Variants in EXOC6B observed in about 807,000 individuals in gnomAD.
EXOC6B encodes SEC15 homolog B.
EXOC6B carries 54 observed loss-of-function variants against 113.5 expected under a neutral mutation model. That is an observed-to-expected ratio of 0.48 (90% CI 0.38 to 0.60). The LOEUF is 0.60. Ranked by LOEUF, EXOC6B falls within the 20% of genes least tolerant of loss-of-function variation. The pLI, the probability that EXOC6B is intolerant of heterozygous loss-of-function variation, is 0.00. For missense variants in EXOC6B, 797 were observed against 977.5 expected (o/e 0.82, Z 2.46); for synonymous variants, 357 against 339.0 (o/e 1.05, Z -0.58).
chr2:72,541,567 A>G (rs1259075486), intron 8 of EXOC6B, among the ~76,000 whole-genome samples: 1 of 152,166 alleles, frequency 6.6e-6, no homozygotes, highest in African/African-American at 2.4e-5. Context: ...GGTAACATTA[A>G]ATGTGGATGG....
At chr2:72,332,696 T>A (rs1259891161) in intron 20 of EXOC6B, among the ~76,000 whole-genome samples, 1 of 152,076 alleles carries the variant, frequency 6.6e-6, no homozygotes. Context: ...TAAAGCCAAA[T>A]GTTATACTAC....
intron 8 of EXOC6B, among the ~76,000 whole-genome samples, chr2:72,557,794 C>T (rs1047079411): frequency 6.6e-6 from 1 of 151,692 alleles, no homozygotes; most frequent in African/African-American, 2.4e-5. Flanking sequence ...CACATGTATC[C>T]CCAAACCTAA....
At chr2:72,437,226 G>A (rs995938271) in intron 18 of EXOC6B, among the ~76,000 whole-genome samples, 1 of 152,206 alleles carries the variant, frequency 6.6e-6, no homozygotes, top group African/African-American at 2.4e-5. Flanking sequence ...CACCAGCAGA[G>A]GCTGCAGAAC....
intron 19 of EXOC6B, among the ~76,000 whole-genome samples, chr2:72,348,351 T>C (rs1293759918): frequency 6.6e-6 from 1 of 152,182 alleles, no homozygotes; most frequent in Non-Finnish European, 1.5e-5. Context: ...TTTTATTCAG[T>C]TCCCATTATG....
At chr2:72,766,881 G>A (rs1683092516) in intron 1 of EXOC6B, among the ~76,000 whole-genome samples, 1 of 146,562 alleles carries the variant, frequency 6.8e-6, no homozygotes, top group African/African-American at 2.5e-5. Context: ...TTGAAACCGG[G>A]AGGCAGAGGT....
chr2:72,217,853 G>A (rs1040436357), intron 20 of EXOC6B, among the ~76,000 whole-genome samples: 12 of 152,140 alleles, frequency 7.9e-5, no homozygotes, highest in Non-Finnish European at 1.3e-4. Context: ...AACTTGGACA[G>A]GACCTAGCAT....
intron 6 of EXOC6B, among the ~76,000 whole-genome samples, chr2:72,687,137 C>CAAA (rs60068783): frequency 8.0e-6 from 1 of 125,482 alleles, no homozygotes; most frequent in Non-Finnish European, 1.8e-5. Flanking sequence ...GACTGTGTCT[C>CAAA]AAAAAAAAAA....
At chr2:72,342,279 T>C (rs375659156) in intron 19 of EXOC6B, among the ~76,000 whole-genome samples, 2 of 151,678 alleles carry the variant, frequency 1.3e-5, no homozygotes, top group Non-Finnish European at 2.9e-5. Context: ...AGAAATGAAA[T>C]AGAGACTAGA....
At chr2:72,405,001 G>T (rs967292408) in intron 18 of EXOC6B, among the ~76,000 whole-genome samples, 5 of 152,094 alleles carry the variant, frequency 3.3e-5, no homozygotes, top group African/African-American at 1.2e-4. Context: ...CCAATGCAGA[G>T]AAGTCCTTAA....
chr2:72,608,373 T>C (rs530733739), intron 6 of EXOC6B, among the ~76,000 whole-genome samples: 40 of 152,188 alleles, frequency 2.6e-4, no homozygotes, highest in Non-Finnish European at 4.7e-4. Context: ...ATAGCCTTTT[T>C]CTAAGTGGTG....
intron 20 of EXOC6B, among the ~76,000 whole-genome samples, chr2:72,283,334 G>A (rs1685243084): frequency 6.6e-6 from 1 of 152,092 alleles, no homozygotes; most frequent in Non-Finnish European, 1.5e-5. Context: ...TGAACAAACT[G>A]AAAAATCAAC....
rs116832876 is a variant in EXOC6B at position 72,557,337 on chromosome 2, C to G, written c.915+2116G>C. 4.2e-3 allele frequency among the ~76,000 whole-genome samples: 513 copies of G among 121,764 alleles called. 10 individuals carry two copies. The highest frequency in any genetic ancestry group is 0.016 in the African/African-American group (505 of 30,608). 79.9% of individuals were successfully genotyped at this position (121,764 alleles called of 152,430 possible). A position where few individuals can be genotyped will look rare whatever the true frequency, so the allele number is the denominator to read the frequency against. Reference sequence around the variant, plus strand: ...TGAACTGATAATAGAGTGTCACAGTCTAAGATGTATATGATTTCTTATCTA... The same window carrying G: ...TGAACTGATAATAGAGTGTCACAGTGTAAGATGTATATGATTTCTTATCTA... On this transcript the variant is annotated intron_variant, in intron 8 of 21. Coordinates refer to ENST00000272427, the MANE Select transcript of EXOC6B (RefSeq NM_015189.3).
chr2:72,672,879 A>AAT (rs1558904874), intron 6 of EXOC6B, among the ~76,000 whole-genome samples: 2 of 152,182 alleles, frequency 1.3e-5, no homozygotes, highest in Non-Finnish European at 2.9e-5. Context: ...CCTGATGTTC[A>AAT]ATAGTGTGAC....
chr2:72,625,971 A>C (rs961329505), intron 6 of EXOC6B, among the ~76,000 whole-genome samples: 2 of 152,166 alleles, frequency 1.3e-5, no homozygotes, highest in East Asian at 3.8e-4. Flanking sequence ...AGTTCCTACT[A>C]ATCTATTCCT....
chr2:72,520,958 G>A (rs768656072), intron 8 of EXOC6B, among the ~76,000 whole-genome samples: 11 of 152,086 alleles, frequency 7.2e-5, no homozygotes, highest in Non-Finnish European at 1.5e-4. Flanking sequence ...CATACTCTGA[G>A]AGCTTAAAAT....
At chr2:72,716,528 G>T (rs368704879) in intron 6 of EXOC6B, among the ~76,000 whole-genome samples, 17 of 152,204 alleles carry the variant, frequency 1.1e-4, no homozygotes, top group African/African-American at 3.4e-4. Flanking sequence ...AGATTTCTCA[G>T]TTAATTAAAA....
At chr2:72,617,784 G>A (rs988892247) in intron 6 of EXOC6B, among the ~76,000 whole-genome samples, 3 of 151,950 alleles carry the variant, frequency 2.0e-5, no homozygotes, top group African/African-American at 7.2e-5. Context: ...CAAAGTGCTA[G>A]GATTACAGGC....
intron 11 of EXOC6B, among the ~76,000 whole-genome samples, chr2:72,505,939 TAC>T (rs1441952428): frequency 6.6e-6 from 1 of 152,158 alleles, no homozygotes; most frequent in Admixed American, 6.5e-5. Flanking sequence ...ATTATATTAA[TAC>T]ACTTTGTAAT....
In EXOC6B at chr2:72,706,726, G is replaced by C. The variant is rs368621678; in HGVS notation, c.669+11377C>G. 2.6e-5 allele frequency among the ~76,000 whole-genome samples: 4 copies of C among 152,134 alleles called. No homozygotes were observed. In the South Asian group the frequency reaches 8.3e-4, roughly 32 times the overall value. On this transcript the variant is annotated intron_variant, in intron 6 of 21. Coordinates refer to ENST00000272427, the MANE Select transcript of EXOC6B (RefSeq NM_015189.3). Reference sequence around the variant, plus strand: ...AGGACGACATTCAGACTATGGCCTCGTGGAATGGATTTTTAAAAACAGCCA... The same window carrying C: ...AGGACGACATTCAGACTATGGCCTCCTGGAATGGATTTTTAAAAACAGCCA...
Sources: gnomAD v4.1 joint callset for allele counts (sites outside exome capture counted in the v4.1 genomes callset) on GRCh38, gnomAD v4.1.1 for gene constraint, MANE v1.5 for transcripts, NCBI Gene and HGNC (gene_info 2026-07-23, HGNC 2026-07-21) for gene names.